Variants in TRAPPC8 observed in about 807,000 individuals in gnomAD.
The protein encoded by TRAPPC8 is trafficking protein particle complex subunit 8.
A neutral mutation model predicts 174.3 loss-of-function variants in TRAPPC8; 54 were observed. That is an observed-to-expected ratio of 0.31 (90% CI 0.25 to 0.39). The LOEUF (loss-of-function observed/expected upper bound fraction) is 0.39. Among genes scored for constraint, TRAPPC8 ranks in the 10% least tolerant of loss-of-function variants. TRAPPC8 has a pLI of 1.00. For missense variants in TRAPPC8, 1,531 were observed against 1,699.1 expected (o/e 0.90, Z 1.74); for synonymous variants, 630 against 579.9 (o/e 1.09, Z -1.24).
In TRAPPC8 at chr18:31,829,511, A is replaced by C. The variant is rs1326242291; in HGVS notation, c.*1244T>G. 1.3e-5 allele frequency: 2 copies of C among 152,260 alleles called. No homozygotes were observed. The highest frequency in any genetic ancestry group is 2.9e-5 in the Non-Finnish European group (2 of 68,094). The allele number at this position is 152,260 out of a possible 1,614,324, so 9.4% of individuals were successfully genotyped here. On this transcript the variant is annotated 3_prime_UTR_variant, in exon 29 of 29. Coordinates refer to ENST00000283351, the MANE Select transcript of TRAPPC8 (RefSeq NM_014939.5). ...AGCCAGAGACCCACTTAAGATCCAGAAGCATAAGCAGCAGTTGCAGAGAGG... is the reference window on the plus strand; with the variant it reads ...AGCCAGAGACCCACTTAAGATCCAGCAGCATAAGCAGCAGTTGCAGAGAGG...
intron 12 of TRAPPC8, among the ~76,000 whole-genome samples, chr18:31,876,489 C>CAGAAAAAAAAAAAAAAA (rs2035152794): frequency 2.1e-5 from 1 of 48,722 alleles, no homozygotes; most frequent in African/African-American, 9.4e-5. Context: ...GACTCCATCT[C>CAGAAAAAAAAAAAAAAA]AAAAAAAAAA....
At chr18:31,942,473 G>A (rs771198680) in intron 1 of TRAPPC8, 135 bp downstream of exon 1, 65 of 1,210,620 alleles carry the variant, frequency 5.4e-5, no homozygotes, top group Admixed American at 1.5e-4. Flanking sequence ...GAGCACCGCG[G>A]GGCCACAGCC....
chr18:31,852,479 A>G lies in TRAPPC8; in HGVS notation c.3528T>C (p.Tyr1176=), dbSNP rs559375685. The G allele has an allele frequency of 1.2e-6, 2 of 1,614,222 alleles. No homozygotes were observed. Among genetic ancestry groups the G allele is most frequent in the East Asian group, 2.2e-5 (1 of 44,880 alleles). The part of the protein sequence containing the change: ...EEAATQSSEK[Y]TFADIIFGNE... ...TTCCAAAGATGATATCTGCAAAGGTATATTTTTCAGAGGACTGTGTGGCCG... is the reference window on the plus strand; with the variant it reads ...TTCCAAAGATGATATCTGCAAAGGTGTATTTTTCAGAGGACTGTGTGGCCG... Residue 1176 remains tyrosine, a synonymous_variant, in exon 24 of 29, where the codon TAT becomes TAC. Transcript: ENST00000283351.
intron 24 of TRAPPC8, among the ~76,000 whole-genome samples, chr18:31,850,113 G>T (rs190661007): frequency 6.6e-6 from 1 of 151,978 alleles, no homozygotes; most frequent in East Asian, 1.9e-4. Flanking sequence ...CACCACTCCC[G>T]CCTAATTTTT....
intron 6 of TRAPPC8, 137 bp downstream of exon 6, chr18:31,909,530 G>A: frequency 7.2e-7 from 1 of 1,383,924 alleles, no homozygotes; most frequent in Non-Finnish European, 9.3e-7. Flanking sequence ...AAAATCTTCA[G>A]AAGAAAAACT....
intron 11 of TRAPPC8, 136 bp downstream of exon 11, chr18:31,897,650 G>A: frequency 2.0e-6 from 1 of 510,908 alleles, no homozygotes; most frequent in Non-Finnish European, 3.2e-6. Flanking sequence ...AACTAAAATA[G>A]CCATGTTGTA....
intron 17 of TRAPPC8, 121 bp downstream of exon 17, chr18:31,867,281 T>C: frequency 1.2e-6 from 1 of 810,786 alleles, no homozygotes; most frequent in South Asian, 1.7e-5. Flanking sequence ...TGTCCTAATC[T>C]TCCAAATTTT....
intron 19 of TRAPPC8, 121 bp downstream of exon 19, chr18:31,864,503 TTAA>T (rs966956689): frequency 2.2e-5 from 20 of 893,486 alleles, no homozygotes; most frequent in African/African-American, 8.8e-5. Flanking sequence ...TAACACTAGC[TTAA>T]TAATAATTTA....
chr18:31,886,277 G>A (rs1216611067), intron 12 of TRAPPC8, among the ~76,000 whole-genome samples: 1 of 148,166 alleles, frequency 6.7e-6, no homozygotes, highest in East Asian at 2.0e-4. Context: ...TCAAAGTGCT[G>A]GGATTACAGG....
chr18:31,865,369 A>C (rs2034536890), intron 18 of TRAPPC8, among the ~76,000 whole-genome samples: 1 of 152,092 alleles, frequency 6.6e-6, no homozygotes, highest in South Asian at 2.1e-4. Context: ...TATGTGTGAA[A>C]AAAGCTAGAG....
Position 31,873,488 on chromosome 18 carries a change from C to T in TRAPPC8, c.2004G>A (p.Pro668=), listed in dbSNP as rs147424027. 5.0e-4 allele frequency: 802 copies of T among 1,613,344 alleles called. 9 individuals are homozygous for T. In the East Asian group the frequency reaches 0.015, roughly 30 times the overall value. ...CCCGTGTTGCTGAACTGTTAATATA[C>T]GGTAAAGGAAGCTGTGGCAAAGGAC... The part of the protein sequence containing the change: ...PDGPLPQLPL[P]YINSSATRVF... The change falls in exon 14 of 29, where the codon CCG becomes CCA. Residue 668 remains proline (P), a synonymous_variant. Transcript: ENST00000283351.
At chr18:31,941,250 C>G (rs2038327489) in intron 1 of TRAPPC8, among the ~76,000 whole-genome samples, 1 of 152,180 alleles carries the variant, frequency 6.6e-6, no homozygotes, top group African/African-American at 2.4e-5. Flanking sequence ...CGAGACCAAC[C>G]TGACCAACAT....
intron 10 of TRAPPC8, 83 bp from the exon 11 acceptor site, chr18:31,897,974 A>C (rs2036252504): frequency 8.1e-7 from 1 of 1,241,266 alleles, no homozygotes; most frequent in Admixed American, 2.1e-5. Flanking sequence ...AAAGATTCCA[A>C]TTACAGTTTT....
chr18:31,919,134 T>C (rs2037267421), intron 2 of TRAPPC8, among the ~76,000 whole-genome samples: 1 of 152,190 alleles, frequency 6.6e-6, no homozygotes, highest in Non-Finnish European at 1.5e-5. Flanking sequence ...GAATGACCCA[T>C]ATATTACATA....
chr18:31,892,089 AT>A (rs1183868578), intron 11 of TRAPPC8, among the ~76,000 whole-genome samples: 19 of 152,304 alleles, frequency 1.2e-4, no homozygotes, highest in African/African-American at 4.3e-4. Context: ...AGCCTATTTT[AT>A]TTTTTAGAAA....
chr18:31,854,369 T>C (rs763618163), intron 21 of TRAPPC8, among the ~76,000 whole-genome samples: 1 of 152,138 alleles, frequency 6.6e-6, no homozygotes, highest in Non-Finnish European at 1.5e-5. Flanking sequence ...TCCTAATATA[T>C]GGTCAGTACA....
intron 12 of TRAPPC8, among the ~76,000 whole-genome samples, chr18:31,884,617 T>C (rs942956250): frequency 7.9e-5 from 12 of 152,196 alleles, no homozygotes; most frequent in African/African-American, 1.2e-4. Context: ...GGCTTTTTTT[T>C]CACTAAACTT....
At chr18:31,903,405 A>G (rs2036528617) in intron 9 of TRAPPC8, among the ~76,000 whole-genome samples, 1 of 152,160 alleles carries the variant, frequency 6.6e-6, no homozygotes, top group Non-Finnish European at 1.5e-5. Flanking sequence ...TTTCAAAAAA[A>G]CCTAGTAAAC....
Position 31,900,429 on chromosome 18 carries a change from G to A in TRAPPC8, c.1490+496C>T, listed in dbSNP as rs771652582. Among the ~76,000 whole-genome samples the A allele has an allele frequency of 4.9e-4, 74 of 152,080 alleles. 1 individual carries two copies. The highest frequency in any genetic ancestry group is 2.3e-3 in the Admixed American group (35 of 15,274). On this transcript the variant is annotated intron_variant, in intron 10 of 28. Transcript: ENST00000283351. ...GCCTGCCAATCACAATTCCTGATACGTCTTCATGGTTATCAAGTCCTAACC... is the reference window on the plus strand; with the variant it reads ...GCCTGCCAATCACAATTCCTGATACATCTTCATGGTTATCAAGTCCTAACC...
Sources: gnomAD v4.1 joint callset for allele counts (sites outside exome capture counted in the v4.1 genomes callset) on GRCh38, gnomAD v4.1.1 for gene constraint, MANE v1.5 for transcripts, NCBI Gene and HGNC (gene_info 2026-07-23, HGNC 2026-07-21) for gene names.